MTMR12: variants seen among roughly 807,000 people sequenced by gnomAD.
MTMR12 encodes the protein myotubularin related protein 12.
A neutral mutation model predicts 96.7 loss-of-function variants in MTMR12; 33 were observed. The ratio of observed to expected loss-of-function variants is 0.34; its 90% CI spans 0.26 to 0.46. MTMR12 has a LOEUF of 0.46. Ranked by LOEUF, MTMR12 falls within the 20% of genes least tolerant of loss-of-function variation. MTMR12 has a pLI of 1.00. For missense variants in MTMR12, 721 were observed against 896.1 expected (o/e 0.80, Z 2.49); for synonymous variants, 298 against 327.2 (o/e 0.91, Z 0.96).
chr5:32,279,504 A>C (rs938309546), intron 1 of MTMR12, among the ~76,000 whole-genome samples: 1 of 152,238 alleles, frequency 6.6e-6, no homozygotes, highest in African/African-American at 2.4e-5. Flanking sequence ...CAATTCTAAC[A>C]AACATGGTCT....
intron 15 of MTMR12, among the ~76,000 whole-genome samples, chr5:32,231,563 C>CT (rs1405451508): frequency 2.0e-5 from 3 of 152,068 alleles, no homozygotes; most frequent in Non-Finnish European, 2.9e-5. Flanking sequence ...CTCTAAAACT[C>CT]TCTAACATAT....
At chr5:32,306,937 A>G (rs1320562002) in intron 1 of MTMR12, among the ~76,000 whole-genome samples, 1 of 152,226 alleles carries the variant, frequency 6.6e-6, no homozygotes, top group East Asian at 1.9e-4. Flanking sequence ...CAAAATGGGT[A>G]CAAGTACAGC....
intron 11 of MTMR12, among the ~76,000 whole-genome samples, chr5:32,243,221 G>A (rs7734652): frequency 0.55 from 83,534 of 152,072 alleles, 23,978 homozygotes; most frequent in African/African-American, 0.72. Context: ...CTCACCCTCA[G>A]TTTCCTCCCT....
At chr5:32,260,819 T>C (rs1749335329) in intron 7 of MTMR12, among the ~76,000 whole-genome samples, 1 of 151,658 alleles carries the variant, frequency 6.6e-6, no homozygotes, top group African/African-American at 2.4e-5. Flanking sequence ...ATCAGAACCA[T>C]GATACAAAGA....
At chr5:32,246,259 C>T (rs544189203) in intron 10 of MTMR12, among the ~76,000 whole-genome samples, 4 of 151,402 alleles carry the variant, frequency 2.6e-5, no homozygotes, top group African/African-American at 9.7e-5. Flanking sequence ...CTCCACCTCT[C>T]GGGTTCATTT....
At chr5:32,275,753 T>C (rs1303944204) in intron 2 of MTMR12, among the ~76,000 whole-genome samples, 1 of 152,160 alleles carries the variant, frequency 6.6e-6, no homozygotes, top group African/African-American at 2.4e-5. Context: ...AAAATAAAAT[T>C]TCTGAATCTA....
At position 32,227,265 on chromosome 5, in the gene MTMR12, T is replaced by G. The variant is rs1747771846; in HGVS notation, c.*2513A>C. ...TTTCCAAACTTGCACAGTACAGCATTTTAAACAAAGTAAATGGTCTCATTT... is the reference window on the plus strand; with the variant it reads ...TTTCCAAACTTGCACAGTACAGCATGTTAAACAAAGTAAATGGTCTCATTT... On this transcript the variant is annotated 3_prime_UTR_variant, in exon 16 of 16. Coordinates refer to ENST00000382142, the MANE Select transcript of MTMR12 (RefSeq NM_001040446.3). The G allele has an allele frequency of 3.3e-5, 5 of 152,646 alleles. No homozygotes were observed. The highest frequency in any genetic ancestry group is 2.6e-4 in the Admixed American group (4 of 15,270). 9.5% of individuals were successfully genotyped at this position (152,646 alleles called of 1,614,324 possible).
At chr5:32,254,420 A>C (rs1749063475) in intron 8 of MTMR12, among the ~76,000 whole-genome samples, 1 of 152,216 alleles carries the variant, frequency 6.6e-6, no homozygotes, top group South Asian at 2.1e-4. Context: ...GCAGAAAATA[A>C]AAAGTTTCCC....
chr5:32,278,280 A>G (rs1347355339), intron 1 of MTMR12, among the ~76,000 whole-genome samples: 1 of 152,262 alleles, frequency 6.6e-6, no homozygotes, highest in Non-Finnish European at 1.5e-5. Flanking sequence ...ACACTGGGAC[A>G]GAGAAACATG....
chr5:32,278,484 T>C (rs781465940), intron 1 of MTMR12, among the ~76,000 whole-genome samples: 5 of 152,158 alleles, frequency 3.3e-5, no homozygotes, highest in Non-Finnish European at 5.9e-5. Context: ...CAGCCTATCT[T>C]GAGGCTGAAG....
At chr5:32,308,603 ATCT>A (rs1212493054) in intron 1 of MTMR12, among the ~76,000 whole-genome samples, 3 of 151,418 alleles carry the variant, frequency 2.0e-5, no homozygotes, top group Admixed American at 2.0e-4. Flanking sequence ...TCCTACCTTT[ATCT>A]TCTTTTTTTT....
rs899477873 is a variant in MTMR12, at chr5:32,229,919, G to A, written c.2103C>T (p.Arg701=). 56 of 1,612,982 alleles carry A rather than the reference G, an allele frequency of 3.5e-5. No homozygotes were observed. Among genetic ancestry groups the A allele is most frequent in the Non-Finnish European group, 4.3e-5 (51 of 1,179,348 alleles). ...GAGCGAAAGGAAACAAAGACGAGAG[G>A]CGGGCAGAGTTCCTCAGCAGGCAGG... The part of the protein sequence containing the change: ...EAPCLLRNSA[R]LSSLFPFALL... Residue 701 remains arginine, a synonymous_variant, in exon 16 of 16, where the codon CGC becomes CGT. Coordinates refer to ENST00000382142, the MANE Select transcript of MTMR12 (RefSeq NM_001040446.3).
chr5:32,309,750 T>G (rs1751503835), intron 1 of MTMR12: 1 of 152,068 alleles, frequency 6.6e-6, no homozygotes, highest in Non-Finnish European at 1.5e-5. Flanking sequence ...TGCAAATTCG[T>G]GAAGCGTTTC....
intron 8 of MTMR12, among the ~76,000 whole-genome samples, chr5:32,253,243 G>A (rs555329157): frequency 2.6e-5 from 4 of 152,180 alleles, no homozygotes; most frequent in Non-Finnish European, 5.9e-5. Context: ...AATGTCAATA[G>A]TGCCTAGGTT....
At chr5:32,249,649 G>A (rs1424351393) in intron 8 of MTMR12, among the ~76,000 whole-genome samples, 1 of 152,214 alleles carries the variant, frequency 6.6e-6, no homozygotes, top group African/African-American at 2.4e-5. Flanking sequence ...CAAGGAGAAA[G>A]AAGTCACACG....
chr5:32,262,533 G>A (rs1231859555), intron 7 of MTMR12, among the ~76,000 whole-genome samples: 2 of 152,114 alleles, frequency 1.3e-5, no homozygotes, highest in African/African-American at 4.8e-5. Flanking sequence ...CCGAGACGGA[G>A]GTTGCAGTGA....
intron 9 of MTMR12, among the ~76,000 whole-genome samples, chr5:32,248,422 C>A (rs1748781504): frequency 7.0e-6 from 1 of 143,134 alleles, no homozygotes; most frequent in African/African-American, 2.7e-5. Flanking sequence ...AATTCATCTA[C>A]TTTGGGTTTT....
intron 13 of MTMR12, 70 bp downstream of exon 13, chr5:32,238,931 T>C: frequency 2.1e-6 from 3 of 1,414,574 alleles, no homozygotes; most frequent in Non-Finnish European, 1.9e-6. Context: ...CTACATCTGA[T>C]GACAGGTATT....
rs1045472653 is a variant in MTMR12, at chr5:32,299,220, C to A, written c.81+13538G>T. On this transcript the variant is annotated intron_variant, in intron 1 of 15. Transcript: ENST00000382142. ...CACAGATTGCATCACTTAAGACTAACAGCAACCTTACGGGCTTTTATTTTA... is the reference window on the plus strand; with the variant it reads ...CACAGATTGCATCACTTAAGACTAAAAGCAACCTTACGGGCTTTTATTTTA... 7.2e-5 allele frequency among the ~76,000 whole-genome samples: 11 copies of A among 152,292 alleles called. No individual in the cohort carries two copies. The East Asian group carries it at 2.1e-3, about 29-fold the overall frequency.
Sources: gnomAD v4.1 joint callset for allele counts (sites outside exome capture counted in the v4.1 genomes callset) on GRCh38, gnomAD v4.1.1 for gene constraint, MANE v1.5 for transcripts, NCBI Gene and HGNC (gene_info 2026-07-23, HGNC 2026-07-21) for gene names.